Variants in C1orf210 observed in about 807,000 individuals in gnomAD.
The protein encoded by C1orf210 is type III endosome membrane protein TEMP.
A neutral mutation model predicts 3.7 loss-of-function variants in C1orf210; 3 were observed. The observed-to-expected ratio is 0.81, with a 90% CI of 0.37 to 2.08. The LOEUF is 2.08. Among genes scored for constraint, C1orf210 ranks in the 30% most tolerant of loss-of-function variants. The pLI, the probability that C1orf210 is intolerant of heterozygous loss-of-function variation, is 0.06. For synonymous variants in C1orf210, 62 were observed against 61.7 expected, an observed-to-expected ratio of 1.00 and a Z score of -0.02; for missense variants, 143 against 147.7, an observed-to-expected ratio of 0.97 and a Z score of 0.17.
Position 43,282,711 on chromosome 1 carries a change from A to T in C1orf210, c.*74T>A. On this transcript the variant is annotated 3_prime_UTR_variant, in exon 3 of 3. Transcript: ENST00000523677. ...CAGCCACCTCTGTCCCTGAGGTTCA[A>T]GGCCCCCATGTCATAACCACTGTCC... 1 of 1,421,162 alleles carries T rather than the reference A, an allele frequency of 7.0e-7. No homozygotes were observed. Among genetic ancestry groups the T allele is most frequent in the South Asian group, 1.4e-5 (1 of 73,892 alleles). The allele number at this position is 1,421,162 out of a possible 1,614,324, so 88.0% of individuals were successfully genotyped here. A position where few individuals can be genotyped will look rare whatever the true frequency, so the allele number is the denominator to read the frequency against.
chr1:43,282,423 C>A lies in C1orf210; in HGVS notation c.*362G>T. 4.7e-6 allele frequency: 1 copy of A among 210,636 alleles called. No individual in the cohort carries two copies. The highest frequency in any genetic ancestry group is 1.2e-4 in the East Asian group (1 of 8,304). The allele number at this position is 210,636 out of a possible 1,614,324, so 13.0% of individuals were successfully genotyped here. A position where few individuals can be genotyped will look rare whatever the true frequency, so the allele number is the denominator to read the frequency against. ...GGGGGACCAATGTGAGCAAAGGTGCCTGGGGAAACTGCATGGGAAGTGGTG... is the reference window on the plus strand; with the variant it reads ...GGGGGACCAATGTGAGCAAAGGTGCATGGGGAAACTGCATGGGAAGTGGTG... On this transcript the variant is annotated 3_prime_UTR_variant, in exon 3 of 3. Transcript: ENST00000523677.
Position 43,282,947 on chromosome 1 carries a change from G to T in C1orf210, c.180C>A (p.Tyr60Ter), listed in dbSNP as rs764160703. 8.6e-5 allele frequency: 139 copies of T among 1,614,032 alleles called. No individual in the cohort carries two copies. Among genetic ancestry groups the T allele is most frequent in the Non-Finnish European group, 1.1e-4 (131 of 1,180,008 alleles). ...LAAKCHLCRR[Y>*]HASYRHRPLP... Reference sequence around the variant, plus strand: ...GTGGGCGGTGCCGGTAGCTGGCATGGTATCGGCGGCAGAGGTGGCATTTGG... The same window carrying T: ...GTGGGCGGTGCCGGTAGCTGGCATGTTATCGGCGGCAGAGGTGGCATTTGG... The change falls in exon 3 of 3, where the codon TAC becomes TAA. Residue 60 changes from tyrosine to a stop codon, truncating the protein, a stop_gained. Coordinates refer to ENST00000523677, the MANE Select transcript of C1orf210 (RefSeq NM_182517.3). LOFTEE classifies it high-confidence loss of function.
intron 1 of C1orf210, among the ~76,000 whole-genome samples, chr1:43,284,455 G>C (rs1646567240): frequency 6.6e-6 from 1 of 151,862 alleles, no homozygotes; most frequent in Admixed American, 6.6e-5. Flanking sequence ...ATCCAACCTG[G>C]TATCAATCCC....
rs1461902701 is a variant in C1orf210 at position 43,282,342 on chromosome 1, G to C, written c.*443C>G. 1.3e-5 allele frequency: 2 copies of C among 158,440 alleles called. No homozygotes were observed. The highest frequency in any genetic ancestry group is 4.8e-5 in the African/African-American group (2 of 41,660). The allele number at this position is 158,440 out of a possible 1,614,324, so 9.8% of individuals were successfully genotyped here. A position where few individuals can be genotyped will look rare whatever the true frequency, so the allele number is the denominator to read the frequency against. On this transcript the variant is annotated 3_prime_UTR_variant, in exon 3 of 3. Coordinates refer to ENST00000523677, the MANE Select transcript of C1orf210 (RefSeq NM_182517.3). The stretch of plus-strand genomic sequence containing the variant: ...CCATCTGGGCATATTTGAAATGCTG[G>C]CAGGTAGGCAGGCCATCACAGTCAT...
At position 43,283,355 on chromosome 1, in the gene C1orf210, C is replaced by G; in HGVS notation, c.-85G>C. On this transcript the variant is annotated 5_prime_UTR_variant, in exon 2 of 3. Transcript: ENST00000523677. ...GGAGGCCCCCAGATGCCAGGCAGCCCCAGGGCACAAGTCCTAGAAAATAAC... is the reference window on the plus strand; with the variant it reads ...GGAGGCCCCCAGATGCCAGGCAGCCGCAGGGCACAAGTCCTAGAAAATAAC... 1 of 1,565,050 alleles carries G rather than the reference C, an allele frequency of 6.4e-7. No individual in the cohort carries two copies. Among genetic ancestry groups the G allele is most frequent in the Non-Finnish European group, 8.7e-7 (1 of 1,151,014 alleles).
intron 1 of C1orf210, among the ~76,000 whole-genome samples, chr1:43,284,763 G>A (rs1646569640): frequency 6.6e-6 from 1 of 152,114 alleles, no homozygotes; most frequent in Non-Finnish European, 1.5e-5. Context: ...CAGCACTTCA[G>A]ACAGACACAC....
chr1:43,284,523 G>A (rs1249911904), intron 1 of C1orf210, among the ~76,000 whole-genome samples: 1 of 151,690 alleles, frequency 6.6e-6, no homozygotes, highest in East Asian at 1.9e-4. Flanking sequence ...CCACCCCACT[G>A]CCACAGCTGA....
chr1:43,283,291 G>A lies in C1orf210; in HGVS notation c.-21C>T. 2 of 1,613,922 alleles carry A rather than the reference G, an allele frequency of 1.2e-6. No homozygotes were observed. Among genetic ancestry groups the A allele is most frequent in the Non-Finnish European group, 1.7e-6 (2 of 1,179,910 alleles). On this transcript the variant is annotated 5_prime_UTR_variant, in exon 2 of 3. Transcript: ENST00000523677. The stretch of plus-strand genomic sequence containing the variant: ...TTCATGGAGGGGCCTGATGACACCA[G>A]TGAGTCTCAGCCTCAACCAGAAAGA...
rs2153907614 is a variant in C1orf210, at chr1:43,282,039, CG to C, written c.*745del. 6.6e-6 allele frequency: 1 copy of C among 152,218 alleles called. No homozygotes were observed. The highest frequency in any genetic ancestry group is 2.4e-5 in the African/African-American group (1 of 41,526). 9.4% of individuals were successfully genotyped at this position (152,218 alleles called of 1,614,324 possible). On this transcript the variant is annotated 3_prime_UTR_variant, in exon 3 of 3. Coordinates refer to ENST00000523677, the MANE Select transcript of C1orf210 (RefSeq NM_182517.3). ...CAGCACTTTGGGAGGCCGAGGAAGG[CG>C]GACTACCTGAGGTCAAGAGTTCGAG...
chr1:43,283,462 GGGA>G, intron 1 of C1orf210, 94 bp from the exon 2 acceptor site: 1 of 658,324 alleles, frequency 1.5e-6, no homozygotes, highest in Non-Finnish European at 2.5e-6. Context: ...ACAAACTCTG[GGGA>G]CTGGACAACT....
At position 43,282,933 on chromosome 1, in the gene C1orf210, C is replaced by T. The variant is rs772352223; in HGVS notation, c.194G>A (p.Arg65Gln). 48 of 1,614,044 alleles carry T rather than the reference C, an allele frequency of 3.0e-5. 1 individual carries two copies. The highest frequency in any genetic ancestry group is 2.9e-4 in the South Asian group (26 of 91,090). Reference sequence around the variant, plus strand: ...TCCTGTCTCAGGCAGTGGGCGGTGCCGGTAGCTGGCATGGTATCGGCGGCA... The same window carrying T: ...TCCTGTCTCAGGCAGTGGGCGGTGCTGGTAGCTGGCATGGTATCGGCGGCA... ...HLCRRYHASY[R>Q]HRPLPETGRG... The change falls in exon 3 of 3, where the codon CGG becomes CAG. Residue 65 changes from arginine to glutamine, a missense_variant. Physicochemically the swap from Arg to Gln is conservative, Grantham distance 43. Coordinates refer to ENST00000523677, the MANE Select transcript of C1orf210 (RefSeq NM_182517.3).
intron 1 of C1orf210, among the ~76,000 whole-genome samples, chr1:43,284,281 G>A (rs977128629): frequency 3.9e-5 from 6 of 152,106 alleles, no homozygotes; most frequent in Admixed American, 2.0e-4. Flanking sequence ...CCTGGCAGAC[G>A]AACAGCTAGG....
rs547907339 is a variant in C1orf210 at position 43,283,075 on chromosome 1, A to G, written c.52T>C (p.Ser18Pro). ...LVGPSELPTASAVAPGPGTGA... is the reference protein window; with the variant it reads ...LVGPSELPTAPAVAPGPGTGA... Reference sequence around the variant, plus strand: ...GTGCCTGGGCCAGGGGCCACAGCAGACGCTGTGGGGAGCTCCGAAGGCCCA... The same window carrying G: ...GTGCCTGGGCCAGGGGCCACAGCAGGCGCTGTGGGGAGCTCCGAAGGCCCA... The change falls in exon 3 of 3, where the codon TCT becomes CCT. Residue 18 changes from serine (S) to proline (P), a missense_variant. Ser to Pro is a moderately conservative substitution (Grantham distance 74). Coordinates refer to ENST00000523677, the MANE Select transcript of C1orf210 (RefSeq NM_182517.3). The G allele has an allele frequency of 6.2e-7, 1 of 1,613,938 alleles. No homozygotes were observed.
chr1:43,284,349 A>G (rs568295016), intron 1 of C1orf210, among the ~76,000 whole-genome samples: 2 of 152,208 alleles, frequency 1.3e-5, no homozygotes, highest in Admixed American at 1.3e-4. Flanking sequence ...GGGGCAGAGT[A>G]GCCGGGCTAG....
At chr1:43,284,328 G>T (rs1016775164) in intron 1 of C1orf210, among the ~76,000 whole-genome samples, 3 of 152,098 alleles carry the variant, frequency 2.0e-5, no homozygotes, top group Non-Finnish European at 4.4e-5. Flanking sequence ...CCTGAACCAG[G>T]GGAGTCCTTG....
At chr1:43,283,179 G>A (rs1646558350) in intron 2 of C1orf210, 72 bp from the exon 3 acceptor site, 2 of 1,597,908 alleles carry the variant, frequency 1.3e-6, no homozygotes, top group Non-Finnish European at 1.7e-6. Context: ...AGCAGTGCAG[G>A]TAGGGTCCTT....
intron 2 of C1orf210, 69 bp downstream of exon 2, chr1:43,283,183 G>C: frequency 6.3e-7 from 1 of 1,598,688 alleles, no homozygotes; most frequent in Non-Finnish European, 8.6e-7. Flanking sequence ...GTGCAGGTAG[G>C]GTCCTTCCCC....
In C1orf210 at chr1:43,283,000, C is replaced by G; in HGVS notation, c.127G>C (p.Val43Leu). 1.2e-6 allele frequency: 2 copies of G among 1,614,116 alleles called. No individual in the cohort carries two copies. Among genetic ancestry groups the G allele is most frequent in the Non-Finnish European group, 1.7e-6 (2 of 1,179,954 alleles). ...GCAAGTGCAATGAGGAGCGAGAGGA[C>G]CACAGCCCCCAGCACAAATCCTACC... is the stretch of plus-strand genomic sequence containing the variant. ...VLVGFVLGAV[V>L]LSLLIALAAK... Residue 43 changes from valine (V) to leucine (L), a missense_variant, in exon 3 of 3, where the codon GTC (valine) becomes CTC (leucine). Coordinates refer to ENST00000523677, the MANE Select transcript of C1orf210 (RefSeq NM_182517.3).
In C1orf210 at chr1:43,282,499, A is replaced by G; in HGVS notation, c.*286T>C. 2.7e-6 allele frequency: 1 copy of G among 373,510 alleles called. No homozygotes were observed. 23.1% of individuals were successfully genotyped at this position (373,510 alleles called of 1,614,324 possible). A position where few individuals can be genotyped will look rare whatever the true frequency, so the allele number is the denominator to read the frequency against. ...CAGTAAAGTAGGGGAAGGCAAGAAA[A>G]GAAACCAAGAGGCCGAGAGGCATGA... On this transcript the variant is annotated 3_prime_UTR_variant, in exon 3 of 3. Coordinates refer to ENST00000523677, the MANE Select transcript of C1orf210 (RefSeq NM_182517.3).
Sources: gnomAD v4.1 joint callset for allele counts (sites outside exome capture counted in the v4.1 genomes callset) on GRCh38, gnomAD v4.1.1 for gene constraint, MANE v1.5 for transcripts, NCBI Gene and HGNC (gene_info 2026-07-23, HGNC 2026-07-21) for gene names.